Variants in ROCK1 observed in about 807,000 individuals in gnomAD.
ROCK1 encodes the protein rho-associated protein kinase 1.
ROCK1 carries 36 observed loss-of-function variants against 196.8 expected under a neutral mutation model. That is an observed-to-expected ratio of 0.18 (90% CI 0.14 to 0.24). ROCK1 has a LOEUF of 0.24. ROCK1 is among the 10% of genes least tolerant of loss of function. The pLI is 1.00. For synonymous variants in ROCK1, 443 were observed against 515.9 expected, an observed-to-expected ratio of 0.86 and a Z score of 1.91; for missense variants, 920 against 1,562.0, an observed-to-expected ratio of 0.59 and a Z score of 6.93.
At chr18:21,016,582 G>C (rs1451860421) in intron 12 of ROCK1, among the ~76,000 whole-genome samples, 1 of 152,034 alleles carries the variant, frequency 6.6e-6, no homozygotes, top group Non-Finnish European at 1.5e-5. Context: ...TTTTCACGTG[G>C]ATGTCTCATT....
intron 21 of ROCK1, among the ~76,000 whole-genome samples, chr18:20,980,522 A>C (rs1226228878): frequency 2.0e-5 from 3 of 152,226 alleles, no homozygotes; most frequent in African/African-American, 7.2e-5. Flanking sequence ...GCAGTGAAAA[A>C]AAAATGTTCC....
At chr18:20,988,888 T>C (rs1302956483) in intron 18 of ROCK1, among the ~76,000 whole-genome samples, 2 of 152,216 alleles carry the variant, frequency 1.3e-5, no homozygotes, top group African/African-American at 4.8e-5. Flanking sequence ...TTCTCTGCGA[T>C]ATTCCCAGCT....
At chr18:20,965,099 G>C (rs968982387) in intron 27 of ROCK1, among the ~76,000 whole-genome samples, 1 of 152,176 alleles carries the variant, frequency 6.6e-6, no homozygotes, top group African/African-American at 2.4e-5. Flanking sequence ...ACACTAAATA[G>C]AGCAAGGTCG....
At chr18:20,988,892 C>T (rs1041119313) in intron 18 of ROCK1, among the ~76,000 whole-genome samples, 18 of 151,906 alleles carry the variant, frequency 1.2e-4, no homozygotes, top group African/African-American at 3.9e-4. Flanking sequence ...CTGCGATATT[C>T]CCAGCTGTGC....
At chr18:21,090,912 C>G (rs1466359669) in intron 1 of ROCK1, among the ~76,000 whole-genome samples, 1 of 152,038 alleles carries the variant, frequency 6.6e-6, no homozygotes, top group East Asian at 1.9e-4. Flanking sequence ...AAATTTATTA[C>G]CATTTAGGGA....
intron 10 of ROCK1, among the ~76,000 whole-genome samples, chr18:21,024,833 C>T (rs1401941442): frequency 6.6e-6 from 1 of 152,138 alleles, no homozygotes; most frequent in African/African-American, 2.4e-5. Flanking sequence ...TGTGTAGCAG[C>T]TTTATAGAGG....
chr18:20,960,330 A>G (rs571135390), intron 27 of ROCK1, 124 bp from the exon 28 acceptor site: 1 of 642,122 alleles, frequency 1.6e-6, no homozygotes, highest in East Asian at 2.6e-5. Context: ...AAGTGCTATA[A>G]TTTGCTCTTC....
chr18:21,106,022 A>G (rs2036700027), intron 1 of ROCK1, among the ~76,000 whole-genome samples: 1 of 152,222 alleles, frequency 6.6e-6, no homozygotes, highest in Admixed American at 6.5e-5. Context: ...TTTCATTTAC[A>G]TTTATCTTCC....
At chr18:20,977,207 T>C (rs1280952523) in intron 22 of ROCK1, among the ~76,000 whole-genome samples, 3 of 152,218 alleles carry the variant, frequency 2.0e-5, no homozygotes, top group Non-Finnish European at 4.4e-5. Flanking sequence ...TGAATACTTA[T>C]TCTCTGAAAG....
At chr18:21,008,226 G>A in intron 13 of ROCK1, 32 bp from the exon 14 acceptor site, 1 of 1,467,454 alleles carries the variant, frequency 6.8e-7, no homozygotes, top group Non-Finnish European at 9.2e-7. Context: ...TTACCACTGT[G>A]ATTAATACTC....
intron 1 of ROCK1, among the ~76,000 whole-genome samples, chr18:21,080,275 G>C (rs1435546373): frequency 6.6e-6 from 1 of 152,048 alleles, no homozygotes; most frequent in African/African-American, 2.4e-5. Flanking sequence ...ACGGCTGGGA[G>C]GAATGAAATA....
chr18:21,053,926 G>C (rs2036225878), intron 2 of ROCK1, among the ~76,000 whole-genome samples: 1 of 152,142 alleles, frequency 6.6e-6, no homozygotes. Context: ...AAAATGTTGT[G>C]ATATGGTGAT....
At chr18:21,041,625 T>C (rs1172756381) in intron 8 of ROCK1, among the ~76,000 whole-genome samples, 1 of 152,144 alleles carries the variant, frequency 6.6e-6, no homozygotes, top group Admixed American at 6.5e-5. Flanking sequence ...AATGGCTTTA[T>C]ACTATTGACT....
chr18:20,977,823 A>G (rs1488135753), intron 22 of ROCK1, among the ~76,000 whole-genome samples: 2 of 152,192 alleles, frequency 1.3e-5, no homozygotes, highest in African/African-American at 2.4e-5. Flanking sequence ...GGGATTGCAT[A>G]TTGCACTGTG....
intron 1 of ROCK1, among the ~76,000 whole-genome samples, chr18:21,095,124 T>C (rs557906053): frequency 6.9e-6 from 1 of 145,704 alleles, no homozygotes; most frequent in African/African-American, 2.5e-5. Context: ...CCACTGATCA[T>C]CAGAGAAATG....
In ROCK1 at chr18:20,979,050, T is replaced by TG. The variant is rs765013741; in HGVS notation, c.2654+859dup. Reference sequence around the variant, plus strand: ...GCAGGAGTTACTATCTTGTTGCGCCTGTCAGCTGAATTCTAAAATGAAGCT... The same window carrying TG: ...GCAGGAGTTACTATCTTGTTGCGCCTGGTCAGCTGAATTCTAAAATGAAGCT... On this transcript the variant is annotated intron_variant, in intron 22 of 32. Transcript: ENST00000399799. Among the ~76,000 whole-genome samples the TG allele has an allele frequency of 9.3e-4, 141 of 152,210 alleles. 2 individuals are homozygous for TG. Among genetic ancestry groups the TG allele is most frequent in the South Asian group, 4.1e-4 (2 of 4,834 alleles).
intron 11 of ROCK1, among the ~76,000 whole-genome samples, chr18:21,020,569 G>A (rs1481097905): frequency 6.6e-6 from 1 of 152,042 alleles, no homozygotes; most frequent in East Asian, 1.9e-4. Context: ...AATAGACTGT[G>A]GTAAATAATA....
intron 13 of ROCK1, among the ~76,000 whole-genome samples, chr18:21,011,997 G>A (rs922630595): frequency 6.6e-6 from 1 of 152,088 alleles, no homozygotes; most frequent in Admixed American, 6.5e-5. Flanking sequence ...AGGCTGGAGT[G>A]CAGTGGTGCG....
intron 1 of ROCK1, among the ~76,000 whole-genome samples, chr18:21,073,160 T>C (rs1316007146): frequency 2.7e-5 from 4 of 149,856 alleles, no homozygotes; most frequent in Non-Finnish European, 5.9e-5. Flanking sequence ...ATTACAGTAA[T>C]TAAATTCTTT....
Sources: allele counts gnomAD v4.1 joint callset (sites outside exome capture counted in the v4.1 genomes callset), GRCh38; gene constraint gnomAD v4.1.1; transcripts MANE v1.5; gene names NCBI Gene and HGNC (gene_info 2026-07-23, HGNC 2026-07-21).